PLXNA4: variants seen among roughly 807,000 people sequenced by gnomAD.
The protein encoded by PLXNA4 is plexin A4.
A neutral mutation model predicts 191.8 loss-of-function variants in PLXNA4; 44 were observed. The observed-to-expected ratio is 0.23, with a 90% CI of 0.18 to 0.29. PLXNA4 has a LOEUF of 0.29. Among genes scored for constraint, PLXNA4 ranks in the 10% least tolerant of loss-of-function variants. The probability of loss-of-function intolerance (pLI) is 1.00; values close to 1 mark genes in which losing one functional copy is unlikely to be tolerated. For missense variants in PLXNA4, 1,800 were observed against 2,488.8 expected, an observed-to-expected ratio of 0.72 and a Z score of 5.89; for synonymous variants, 1,082 against 1,009.5, an observed-to-expected ratio of 1.07 and a Z score of -1.36.
At chr7:132,403,438 G>C (rs1056593770) in intron 3 of PLXNA4, among the ~76,000 whole-genome samples, 5 of 152,178 alleles carry the variant, frequency 3.3e-5, no homozygotes, top group African/African-American at 1.2e-4. Flanking sequence ...GGCAGGTAAC[G>C]GGAGGGGGCC....
At chr7:132,201,526 A>T (rs1797433208) in intron 12 of PLXNA4, among the ~76,000 whole-genome samples, 1 of 152,154 alleles carries the variant, frequency 6.6e-6, no homozygotes, top group Non-Finnish European at 1.5e-5. Flanking sequence ...TGAGGCAGAG[A>T]CTGAGTCTCT....
intron 3 of PLXNA4, among the ~76,000 whole-genome samples, chr7:132,313,893 T>C (rs529331516): frequency 6.6e-6 from 1 of 152,184 alleles, no homozygotes; most frequent in Non-Finnish European, 1.5e-5. Context: ...GATTACAGAA[T>C]ACAGATTGGA....
rs948229763 is a variant in PLXNA4, at chr7:132,146,795, A to ACTGT, written c.4865-99_4865-96dup. 9.0e-6 allele frequency: 14 copies of ACTGT among 1,554,330 alleles called. No homozygotes were observed. In the African/African-American group the frequency reaches 1.8e-4, roughly 20 times the overall value. On this transcript the variant is annotated intron_variant, in intron 27 of 31. Transcript: ENST00000321063. ...TCCCTTGCTCCGGCAGAAGCCAACG[A>ACTGT]CTGTCTGATCATTCCTGCCATTGGT...
chr7:132,494,822 A>G (rs767839005), intron 2 of PLXNA4, among the ~76,000 whole-genome samples: 2 of 152,184 alleles, frequency 1.3e-5, no homozygotes, highest in African/African-American at 2.4e-5. Flanking sequence ...GGGATTTTAA[A>G]TGCAGACGGT....
chr7:132,331,050 G>A (rs1439900815), intron 3 of PLXNA4, among the ~76,000 whole-genome samples: 1 of 152,078 alleles, frequency 6.6e-6, no homozygotes, highest in Non-Finnish European at 1.5e-5. Context: ...GGTGGGATGG[G>A]ACAGTGGGGA....
At chr7:132,562,559 T>C (rs1246930064) in intron 1 of PLXNA4, among the ~76,000 whole-genome samples, 44 of 60,476 alleles carry the variant, frequency 7.3e-4, no homozygotes, top group South Asian at 8.0e-4. Context: ...CCTCCTTCTC[T>C]TCCTCCTTTC....
chr7:132,439,146 A>C (rs553806446), intron 3 of PLXNA4, among the ~76,000 whole-genome samples: 9 of 152,308 alleles, frequency 5.9e-5, no homozygotes, highest in Admixed American at 2.0e-4. Context: ...AGCAGAAAAT[A>C]ATCTCAGGCA....
chr7:132,631,523 G>A (rs539390326), intron 2 of PLXNA4, among the ~76,000 whole-genome samples: 1 of 152,156 alleles, frequency 6.6e-6, no homozygotes, highest in Non-Finnish European at 1.5e-5. Flanking sequence ...GCTCTAGAGG[G>A]AGGAATGAAC....
At chr7:132,240,051 G>C (rs1798825807) in intron 5 of PLXNA4, among the ~76,000 whole-genome samples, 2 of 152,180 alleles carry the variant, frequency 1.3e-5, no homozygotes, top group South Asian at 4.1e-4. Context: ...ACAAGATCCT[G>C]CCCCACCTTC....
chr7:132,491,929 C>T (rs56223357), intron 2 of PLXNA4, among the ~76,000 whole-genome samples: 3,318 of 152,254 alleles, frequency 0.022, 131 homozygotes, highest in African/African-American at 0.077. Context: ...TGCCCTGTGC[C>T]TGCTGGATAT....
At chr7:132,170,883 CAGG>C (rs1796265196) in intron 21 of PLXNA4, among the ~76,000 whole-genome samples, 1 of 152,258 alleles carries the variant, frequency 6.6e-6, no homozygotes, top group South Asian at 2.1e-4. Flanking sequence ...GGCCAGTTCT[CAGG>C]AGACAAATGG....
intron 30 of PLXNA4, among the ~76,000 whole-genome samples, chr7:132,139,097 C>T (rs563777886): frequency 3.9e-5 from 6 of 152,154 alleles, no homozygotes; most frequent in Non-Finnish European, 5.9e-5. Context: ...GAGGTGAGAG[C>T]CTGTCTAGGT....
chr7:132,561,763 T>TCC, intron 1 of PLXNA4, among the ~76,000 whole-genome samples: 2 of 64,586 alleles, frequency 3.1e-5, no homozygotes, highest in African/African-American at 1.3e-4. Flanking sequence ...TCCTCCTCCT[T>TCC]CTCCTCCTTC....
At chr7:132,316,361 C>T (rs1801944249) in intron 3 of PLXNA4, among the ~76,000 whole-genome samples, 1 of 152,108 alleles carries the variant, frequency 6.6e-6, no homozygotes, top group Admixed American at 6.5e-5. Context: ...ATGTTCTTAA[C>T]ATAAACTCAA....
intron 31 of PLXNA4, among the ~76,000 whole-genome samples, chr7:132,131,465 G>A (rs1212957872): frequency 7.2e-5 from 11 of 152,094 alleles, no homozygotes; most frequent in Non-Finnish European, 1.6e-4. Context: ...AGACAATTGG[G>A]TGGAACCTAC....
chr7:132,219,263 G>A (rs1261686685), intron 9 of PLXNA4, among the ~76,000 whole-genome samples: 3 of 152,204 alleles, frequency 2.0e-5, no homozygotes, highest in Non-Finnish European at 4.4e-5. Flanking sequence ...AGGCCCTGAG[G>A]GTATGGGTCA....
rs199650808 is a variant in PLXNA4, at chr7:132,497,145, T to C, written c.1189-7671A>G. ...ACGCACACACACACACACACACACA[T>C]ACACATATCCTGGTTGCTGACCATA... On this transcript the variant is annotated intron_variant, in intron 2 of 31. Transcript: ENST00000321063. Among the ~76,000 whole-genome samples, 226 of 104,172 alleles carry C rather than the reference T, an allele frequency of 2.2e-3. 1 individual carries two copies. Among genetic ancestry groups the C allele is most frequent in the African/African-American group, 2.6e-3 (82 of 31,038 alleles). The allele number at this position is 104,172 out of a possible 152,430, so 68.3% of individuals were successfully genotyped here.
At chr7:132,258,715 C>A (rs1370933445) in intron 4 of PLXNA4, among the ~76,000 whole-genome samples, 2 of 152,148 alleles carry the variant, frequency 1.3e-5, no homozygotes, top group Non-Finnish European at 2.9e-5. Flanking sequence ...GACCCCAGAT[C>A]CAGGAAAACA....
chr7:132,174,221 C>G (rs980272694), intron 21 of PLXNA4, among the ~76,000 whole-genome samples: 2 of 152,148 alleles, frequency 1.3e-5, no homozygotes, highest in Non-Finnish European at 2.9e-5. Flanking sequence ...TGAATAGACA[C>G]CTAAGCCAGA....
Sources: gnomAD v4.1 joint callset for allele counts (sites outside exome capture counted in the v4.1 genomes callset) on GRCh38, gnomAD v4.1.1 for gene constraint, MANE v1.5 for transcripts, NCBI Gene and HGNC (gene_info 2026-07-23, HGNC 2026-07-21) for gene names.